UBQLN1: variants seen among roughly 807,000 people sequenced by gnomAD.
UBQLN1 encodes ubiquilin-1.
A neutral mutation model predicts 65.4 loss-of-function variants in UBQLN1; 13 were observed. That is an observed-to-expected ratio of 0.20 (90% CI 0.13 to 0.32). UBQLN1 has a LOEUF of 0.32. Among genes scored for constraint, UBQLN1 ranks in the 10% least tolerant of loss-of-function variants. The pLI, the probability that UBQLN1 is intolerant of heterozygous loss-of-function variation, is 1.00. For synonymous variants in UBQLN1, 267 were observed against 247.8 expected, an observed-to-expected ratio of 1.08 and a Z score of -0.73; for missense variants, 561 against 724.0, an observed-to-expected ratio of 0.77 and a Z score of 2.58.
chr9:83,707,404 G>A, intron 1 of UBQLN1, 96 bp downstream of exon 1: 1 of 1,319,656 alleles, frequency 7.6e-7, no homozygotes, highest in Admixed American at 2.9e-5. Context: ...GGCCGAGGAC[G>A]ACCCCTCTCC....
Position 83,665,121 on chromosome 9 carries a change from C to T in UBQLN1, c.1357G>A (p.Ala453Thr). The T allele has an allele frequency of 6.2e-7, 1 of 1,613,148 alleles. No homozygotes were observed. The highest frequency in any genetic ancestry group is 1.7e-4 in the Middle Eastern group (1 of 6,060). Residue 453 changes from alanine (A) to threonine (T), a missense_variant, in exon 9 of 11, where the codon GCA (alanine) becomes ACA (threonine). By Grantham distance (58) the Ala-to-Thr change is moderately conservative. This residue lies in a region of UBQLN1 where 102 missense variants were observed against 150.7 expected (regional missense o/e 0.68). Transcript: ENST00000376395. ...TGCATTGCTCTAGGGTTTGACATTG[C>T]TGATAGTGTATCAGGATTCTGCATC... ...QQMQNPDTLS[A>T]MSNPRAMQAL...
intron 7 of UBQLN1, chr9:83,668,387 A>G (rs181787716): frequency 2.0e-6 from 2 of 985,466 alleles, no homozygotes; most frequent in Admixed American, 1.2e-4. Flanking sequence ...AGCCATTTTT[A>G]ACGAACAGCA....
At chr9:83,702,504 C>T (rs1445881812) in intron 1 of UBQLN1, among the ~76,000 whole-genome samples, 4 of 151,768 alleles carry the variant, frequency 2.6e-5, no homozygotes, top group Non-Finnish European at 5.9e-5. Context: ...TATATATAAG[C>T]CACAAGTAAT....
At chr9:83,690,468 T>G (rs1026675342) in intron 1 of UBQLN1, among the ~76,000 whole-genome samples, 4 of 152,230 alleles carry the variant, frequency 2.6e-5, no homozygotes, top group African/African-American at 9.6e-5. Context: ...CATGTTCTAC[T>G]TTCTCGACCT....
At chr9:83,678,293 T>C in intron 5 of UBQLN1, 148 bp downstream of exon 5, 1 of 980,046 alleles carries the variant, frequency 1.0e-6, no homozygotes, top group Non-Finnish European at 1.5e-6. Flanking sequence ...AGTGCTGGGA[T>C]TACAGGCGTG....
rs536787833 is a variant in UBQLN1, at chr9:83,683,333, A to G, written c.333-267T>C. On this transcript the variant is annotated intron_variant, in intron 2 of 10. Coordinates refer to ENST00000376395, the MANE Select transcript of UBQLN1 (RefSeq NM_013438.5). ...AGGCTGAGGCAGGAGAATGGCGTGA[A>G]CCCAGGAGGCGGAGCTTGCAGTGAG... 1.4e-4 allele frequency among the ~76,000 whole-genome samples: 20 copies of G among 148,062 alleles called. No individual in the cohort carries two copies. In the East Asian group the frequency reaches 4.4e-3, roughly 32 times the overall value.
In UBQLN1 at chr9:83,669,240, G is replaced by A; in HGVS notation, c.1193C>T (p.Pro398Leu). 6.2e-7 allele frequency: 1 copy of A among 1,612,258 alleles called. No homozygotes were observed. The highest frequency in any genetic ancestry group is 8.5e-7 in the Non-Finnish European group (1 of 1,179,710). The change falls in exon 7 of 11, where the codon CCC becomes CTC. Residue 398 changes from proline (P) to leucine (L), a missense_variant. Physicochemically the swap from Pro to Leu is moderately conservative, Grantham distance 98. Coordinates refer to ENST00000376395, the MANE Select transcript of UBQLN1 (RefSeq NM_013438.5). ...PQLMQNMLSA[P>L]YMRSMMQSLS... The stretch of plus-strand genomic sequence containing the variant: ...TGACTGCATCATGCTTCTCATGTAG[G>A]GGGCAGACAACATGTTTTGCATCAG...
In UBQLN1 at chr9:83,665,128, T is replaced by C. The variant is rs758285730; in HGVS notation, c.1350A>G (p.Thr450=). Residue 450 remains threonine (T), a synonymous_variant, in exon 9 of 11, where the codon ACA becomes ACG. Coordinates refer to ENST00000376395, the MANE Select transcript of UBQLN1 (RefSeq NM_013438.5). ...CTCTAGGGTTTGACATTGCTGATAG[T>C]GTATCAGGATTCTGCATCTAAGGAA... ...TFLQQMQNPD[T]LSAMSNPRAM... is the part of the protein sequence containing the mutation. 5.6e-6 allele frequency: 9 copies of C among 1,611,442 alleles called. No homozygotes were observed. The highest frequency in any genetic ancestry group is 1.7e-5 in the Admixed American group (1 of 59,398).
intron 10 of UBQLN1, among the ~76,000 whole-genome samples, chr9:83,663,143 A>G (rs71502717): frequency 6.6e-6 from 1 of 151,294 alleles, no homozygotes; most frequent in Non-Finnish European, 1.5e-5. Flanking sequence ...GAGGAAAGGG[A>G]AAAGGGAAAG....
At chr9:83,706,736 CTTT>C (rs970443808) in intron 1 of UBQLN1, among the ~76,000 whole-genome samples, 1 of 152,110 alleles carries the variant, frequency 6.6e-6, no homozygotes, top group Non-Finnish European at 1.5e-5. Flanking sequence ...CTCCGATTTT[CTTT>C]TATTTGATTG....
intron 1 of UBQLN1, among the ~76,000 whole-genome samples, chr9:83,702,992 A>C (rs1832336544): frequency 1.3e-5 from 2 of 152,170 alleles, no homozygotes; most frequent in Non-Finnish European, 2.9e-5. Flanking sequence ...ATAACCTAAC[A>C]GTCTATGAAA....
chr9:83,705,884 G>A (rs1587668056), intron 1 of UBQLN1, among the ~76,000 whole-genome samples: 1 of 151,550 alleles, frequency 6.6e-6, no homozygotes, highest in South Asian at 2.1e-4. Flanking sequence ...AGGCTCTATG[G>A]GATCCCATTT....
At chr9:83,684,171 AAT>A (rs1831998284) in intron 2 of UBQLN1, among the ~76,000 whole-genome samples, 1 of 152,034 alleles carries the variant, frequency 6.6e-6, no homozygotes, top group African/African-American at 2.4e-5. Flanking sequence ...CCAACAAATC[AAT>A]ATGATTAATA....
intron 2 of UBQLN1, among the ~76,000 whole-genome samples, chr9:83,684,038 A>G (rs1286038297): frequency 6.6e-6 from 1 of 151,714 alleles, no homozygotes; most frequent in Non-Finnish European, 1.5e-5. Context: ...AAACAAACAA[A>G]CAAAAAAACC....
intron 1 of UBQLN1, among the ~76,000 whole-genome samples, chr9:83,704,428 T>G (rs1022305035): frequency 6.6e-6 from 1 of 152,244 alleles, no homozygotes; most frequent in Non-Finnish European, 1.5e-5. Flanking sequence ...AGCGTCAATT[T>G]TTATCACATT....
At chr9:83,678,621 A>G (rs745733937) in intron 4 of UBQLN1, 22 bp from the exon 5 acceptor site, 8 of 1,584,612 alleles carry the variant, frequency 5.0e-6, no homozygotes, top group Non-Finnish European at 6.8e-6. Flanking sequence ...ATTTCCAAAA[A>G]AAGAAAAAAA....
Position 83,678,552 on chromosome 9 carries a change from C to T in UBQLN1, c.759G>A (p.Arg253=), listed in dbSNP as rs1483301960. 2 of 1,613,496 alleles carry T rather than the reference C, an allele frequency of 1.2e-6. No homozygotes were observed. The highest frequency in any genetic ancestry group is 2.7e-5 in the African/African-American group (2 of 74,798). Residue 253 remains arginine, a synonymous_variant, in exon 5 of 11, where the codon AGG becomes AGA. Coordinates refer to ENST00000376395, the MANE Select transcript of UBQLN1 (RefSeq NM_013438.5). ...GGTTGCTCAAAGCTCGGTCCTGGTT[C>T]CTCATCATCTCCTGCATCATTGCTG... The part of the protein sequence containing the change: ...RNPAMMQEMM[R]NQDRALSNLE...
At chr9:83,700,405 T>C (rs1564173537) in intron 1 of UBQLN1, among the ~76,000 whole-genome samples, 1 of 152,244 alleles carries the variant, frequency 6.6e-6, no homozygotes, top group Non-Finnish European at 1.5e-5. Context: ...ATATGTATTA[T>C]TGTACATAAT....
chr9:83,678,876 C>T (rs537671703), intron 4 of UBQLN1, among the ~76,000 whole-genome samples: 32 of 152,284 alleles, frequency 2.1e-4, no homozygotes, highest in Admixed American at 1.3e-3. Flanking sequence ...CGCCACCACG[C>T]CCCGCTAATT....
Sources: gnomAD v4.1 joint callset for allele counts (sites outside exome capture counted in the v4.1 genomes callset) on GRCh38, gnomAD v4.1.1 for gene constraint, gnomAD v4.1.1 regional missense constraint, MANE v1.5 for transcripts, NCBI Gene and HGNC (gene_info 2026-07-23, HGNC 2026-07-21) for gene names.